ARB2A: variants seen among roughly 807,000 people sequenced by gnomAD.
ARB2A encodes the protein cotranscriptional regulator ARB2A.
At chr5:93,983,200 TGTGTGTGTGTGTG>T in the ARB2A span, among the ~76,000 whole-genome samples, 1 of 150,000 alleles carries the variant, frequency 6.7e-6, no homozygotes, top group South Asian at 2.1e-4. Flanking sequence ...TGTGTGTGTG[TGTGTGTGTGTGTG>T]TGTGTGTGTG....
chr5:94,100,420 C>T, the ARB2A span, among the ~76,000 whole-genome samples: 1 of 152,226 alleles, frequency 6.6e-6, no homozygotes, highest in East Asian at 1.9e-4. Flanking sequence ...GCATTCTTCA[C>T]AGAACTAGAA....
At chr5:93,795,939 G>A in the ARB2A span, among the ~76,000 whole-genome samples, 3 of 151,796 alleles carry the variant, frequency 2.0e-5, no homozygotes, top group African/African-American at 4.8e-5. Flanking sequence ...CAAATGAAAT[G>A]TATATGTCAG....
the ARB2A span, among the ~76,000 whole-genome samples, chr5:94,089,649 G>A: frequency 7.8e-6 from 1 of 127,610 alleles, no homozygotes; most frequent in Admixed American, 8.4e-5. Context: ...ACACTGCAGA[G>A]GGATCCCAGA....
the ARB2A span, among the ~76,000 whole-genome samples, chr5:93,993,411 T>C: frequency 6.6e-6 from 1 of 152,208 alleles, no homozygotes; most frequent in East Asian, 1.9e-4. Flanking sequence ...GTCCACTCTC[T>C]TCAGTGAATT....
chr5:94,081,233 G>C, the ARB2A span, among the ~76,000 whole-genome samples: 1 of 152,174 alleles, frequency 6.6e-6, no homozygotes, highest in Admixed American at 6.5e-5. Flanking sequence ...TATTGCTAGT[G>C]TGACAACAAT....
the ARB2A span, among the ~76,000 whole-genome samples, chr5:93,837,348 C>T: frequency 1.3e-5 from 2 of 152,028 alleles, no homozygotes; most frequent in African/African-American, 4.8e-5. Flanking sequence ...CTAAATTTTC[C>T]TTCTGCAGTC....
the ARB2A span, among the ~76,000 whole-genome samples, chr5:93,763,034 C>A: frequency 6.6e-6 from 1 of 152,048 alleles, no homozygotes; most frequent in Non-Finnish European, 1.5e-5. Flanking sequence ...CCTAAAAGAG[C>A]TCCTGAAGGA....
the ARB2A span, among the ~76,000 whole-genome samples, chr5:94,066,001 T>A: frequency 6.6e-6 from 1 of 151,768 alleles, no homozygotes; most frequent in African/African-American, 2.4e-5. Context: ...TCAACAAATT[T>A]TACCAAAAAA....
At chr5:93,936,865 T>C in the ARB2A span, among the ~76,000 whole-genome samples, 1 of 152,104 alleles carries the variant, frequency 6.6e-6, no homozygotes, top group Admixed American at 6.5e-5. Context: ...GGTTGTTGTG[T>C]TTGTTTTTAA....
At chr5:94,094,992 C>G in the ARB2A span, among the ~76,000 whole-genome samples, 3 of 152,212 alleles carry the variant, frequency 2.0e-5, no homozygotes, top group Non-Finnish European at 4.4e-5. Context: ...GTCATGATCA[C>G]GTCATTCTCC....
chr5:93,700,358 G>C, the ARB2A span, among the ~76,000 whole-genome samples: 2 of 152,094 alleles, frequency 1.3e-5, no homozygotes, highest in Non-Finnish European at 2.9e-5. Context: ...CAGCTTAACT[G>C]ATGGGGAGAC....
chr5:93,647,815 C>T, the ARB2A span, among the ~76,000 whole-genome samples: 8 of 152,242 alleles, frequency 5.3e-5, no homozygotes, highest in South Asian at 2.1e-4. Flanking sequence ...TGAACCACTG[C>T]GCCAAGTGCA....
At chr5:93,685,069 C>T in the ARB2A span, among the ~76,000 whole-genome samples, 2 of 152,142 alleles carry the variant, frequency 1.3e-5, no homozygotes, top group African/African-American at 4.8e-5. Flanking sequence ...AGAAATAAGT[C>T]TCAGGTCATA....
the ARB2A span, among the ~76,000 whole-genome samples, chr5:93,686,406 A>G: frequency 0.019 from 2,888 of 152,136 alleles, 100 homozygotes; most frequent in African/African-American, 0.066. Context: ...TGTTCTTGAC[A>G]TTTTACTCTG....
the ARB2A span, among the ~76,000 whole-genome samples, chr5:93,717,134 T>C: frequency 6.6e-6 from 1 of 152,314 alleles, no homozygotes; most frequent in African/African-American, 2.4e-5. Flanking sequence ...TATGATGAGA[T>C]GGTATCTATT....
the ARB2A span, among the ~76,000 whole-genome samples, chr5:94,008,223 A>G: frequency 6.6e-6 from 1 of 152,222 alleles, no homozygotes; most frequent in East Asian, 1.9e-4. Context: ...CATTAGTTGA[A>G]GAAATGGTAG....
At chr5:93,856,767 C>T in the ARB2A span, among the ~76,000 whole-genome samples, 1 of 151,970 alleles carries the variant, frequency 6.6e-6, no homozygotes, top group African/African-American at 2.4e-5. Flanking sequence ...CATCTGAAGC[C>T]TTCTTCTCTC....
chr5:94,035,236 C>CATATACATATAT, the ARB2A span, among the ~76,000 whole-genome samples: 14 of 151,760 alleles, frequency 9.2e-5, no homozygotes, highest in African/African-American at 2.9e-4. Context: ...TATACATATA[C>CATATACATATAT]ATATACATAT....
the ARB2A span, among the ~76,000 whole-genome samples, chr5:94,047,265 GC>G: frequency 1.3e-5 from 2 of 152,186 alleles, no homozygotes; most frequent in Non-Finnish European, 2.9e-5. Context: ...GCCAAGGTGG[GC>G]AGATCACCTG....
Sources: gnomAD v4.1 joint callset for allele counts (sites outside exome capture counted in the v4.1 genomes callset) on GRCh38, gnomAD v4.1.1 for gene constraint, MANE v1.5 for transcripts, NCBI Gene and HGNC (gene_info 2026-07-23, HGNC 2026-07-21) for gene names.